Variants in ARHGEF28 observed in about 807,000 individuals in gnomAD.
ARHGEF28 encodes Rho guanine nucleotide exchange factor 28.
A neutral mutation model predicts 206.6 loss-of-function variants in ARHGEF28; 152 were observed. The observed-to-expected ratio is 0.74, with a 90% CI of 0.64 to 0.84. The LOEUF is 0.84. Ranked by LOEUF, ARHGEF28 falls within the 40% of genes least tolerant of loss-of-function variation. The pLI is 0.00. For synonymous variants in ARHGEF28, 763 were observed against 776.4 expected, an observed-to-expected ratio of 0.98 and a Z score of 0.29; for missense variants, 2,028 against 2,073.2, an observed-to-expected ratio of 0.98 and a Z score of 0.42.
intron 2 of ARHGEF28, among the ~76,000 whole-genome samples, chr5:73,693,541 G>A (rs764568853): frequency 2.6e-5 from 4 of 152,202 alleles, no homozygotes; most frequent in Non-Finnish European, 4.4e-5. Flanking sequence ...GTAGGTAAGG[G>A]TGTCTTTCAA....
At chr5:73,703,647 T>TGTG (rs1748732373) in intron 2 of ARHGEF28, among the ~76,000 whole-genome samples, 1 of 139,610 alleles carries the variant, frequency 7.2e-6, no homozygotes, top group Admixed American at 7.1e-5. Context: ...TTTCCCAGCA[T>TGTG]TGTGTGTGTG....
rs181548390 is a variant in ARHGEF28, at chr5:73,734,837, A to G, written c.34-15000A>G. On this transcript the variant is annotated intron_variant, in intron 2 of 35. Coordinates refer to ENST00000513042, the MANE Select transcript of ARHGEF28 (RefSeq NM_001177693.2). ...AGTTGTGTTTTTGCAGTGGAGAGGGAAGACTATTTTGAAGTAGAGAGGACT... is the reference window on the plus strand; with the variant it reads ...AGTTGTGTTTTTGCAGTGGAGAGGGGAGACTATTTTGAAGTAGAGAGGACT... Among the ~76,000 whole-genome samples, 6 of 152,090 alleles carry G rather than the reference A, an allele frequency of 3.9e-5. No homozygotes were observed. In the East Asian group the frequency reaches 1.2e-3, roughly 29 times the overall value.
At chr5:73,933,634 A>C (rs1433453694) in intron 35 of ARHGEF28, among the ~76,000 whole-genome samples, 1 of 152,226 alleles carries the variant, frequency 6.6e-6, no homozygotes, top group Non-Finnish European at 1.5e-5. Flanking sequence ...GAACTTTTCA[A>C]ACCTATTCAA....
At chr5:73,929,979 A>ATATAT (rs10666021) in intron 35 of ARHGEF28, among the ~76,000 whole-genome samples, 70,888 of 151,674 alleles carry the variant, frequency 0.47, 17,560 homozygotes, top group African/African-American at 0.64. Flanking sequence ...TTAAACTGCT[A>ATATAT]TATTTCACTT....
Position 73,775,277 on chromosome 5 carries a change from T to C in ARHGEF28, c.659+1239T>C, listed in dbSNP as rs531054504. ...TACGTGTTTTAAATGTTTCCAGGTC[T>C]AATAAATCCATTCATGGATGGGATT... is the stretch of plus-strand genomic sequence containing the variant. On this transcript the variant is annotated intron_variant, in intron 5 of 35. Transcript: ENST00000513042. 2.6e-5 allele frequency among the ~76,000 whole-genome samples: 4 copies of C among 152,350 alleles called. No homozygotes were observed. The East Asian group carries it at 7.7e-4, about 29-fold the overall frequency.
In ARHGEF28 at chr5:73,830,376, AC is replaced by A. The variant is rs542391951; in HGVS notation, c.1025-1958del. On this transcript the variant is annotated intron_variant, in intron 9 of 35. Coordinates refer to ENST00000513042, the MANE Select transcript of ARHGEF28 (RefSeq NM_001177693.2). Reference sequence around the variant, plus strand: ...AGACCATCCTGGCTAACACGGTGAAACCCCGTCTCTACTGAAAAATACAAAA... The same window carrying A: ...AGACCATCCTGGCTAACACGGTGAAACCCGTCTCTACTGAAAAATACAAAA... 2.5e-3 allele frequency among the ~76,000 whole-genome samples: 379 copies of A among 151,870 alleles called. 2 individuals carry two copies. Among genetic ancestry groups the A allele is most frequent in the Non-Finnish European group, 3.5e-3 (237 of 67,956 alleles).
rs571040251 is a variant in ARHGEF28, at chr5:73,666,366, G to A, written c.-11-18475G>A. 5.3e-5 allele frequency among the ~76,000 whole-genome samples: 8 copies of A among 152,316 alleles called. No homozygotes were observed. The East Asian group carries it at 1.5e-3, about 29-fold the overall frequency. On this transcript the variant is annotated intron_variant, in intron 1 of 35. Coordinates refer to ENST00000513042, the MANE Select transcript of ARHGEF28 (RefSeq NM_001177693.2). ...TTGGAGGCTTGTGCCTGCAGCTTGA[G>A]TTGCAAGCTGGTGGCCCTACAGTTC... is the stretch of plus-strand genomic sequence containing the variant.
intron 2 of ARHGEF28, among the ~76,000 whole-genome samples, chr5:73,685,859 G>A (rs1442922845): frequency 1.3e-5 from 2 of 152,130 alleles, no homozygotes; most frequent in Admixed American, 1.3e-4. Context: ...CTGACCTCGT[G>A]ATCCGAATGC....
chr5:73,813,638 C>G, intron 9 of ARHGEF28: 1 of 1,535,800 alleles, frequency 6.5e-7, no homozygotes, highest in South Asian at 1.2e-5. Flanking sequence ...CCTTCCTTTC[C>G]CAAAATGAAG....
intron 2 of ARHGEF28, among the ~76,000 whole-genome samples, chr5:73,748,347 T>G (rs922910858): frequency 2.6e-5 from 4 of 152,056 alleles, no homozygotes; most frequent in Admixed American, 1.3e-4. Flanking sequence ...AACCAGTGAT[T>G]TTTTTTCAGA....
At chr5:73,916,541 G>A (rs373473670) in intron 35 of ARHGEF28, among the ~76,000 whole-genome samples, 25 of 152,240 alleles carry the variant, frequency 1.6e-4, no homozygotes, top group African/African-American at 5.5e-4. Flanking sequence ...TTCTTCCTGC[G>A]TCTTCACCTG....
At chr5:73,841,223 AC>A (rs1229983177) in intron 11 of ARHGEF28, among the ~76,000 whole-genome samples, 2 of 152,238 alleles carry the variant, frequency 1.3e-5, no homozygotes, top group African/African-American at 4.8e-5. Context: ...ATATATAGTT[AC>A]ACAATAGAAT....
intron 10 of ARHGEF28, among the ~76,000 whole-genome samples, chr5:73,837,832 C>A (rs981206397): frequency 6.6e-6 from 1 of 151,864 alleles, no homozygotes; most frequent in Non-Finnish European, 1.5e-5. Context: ...ATCTCCACCC[C>A]CCAGGCTCAA....
At chr5:73,862,835 G>A (rs1281753848) in intron 16 of ARHGEF28, among the ~76,000 whole-genome samples, 1 of 146,920 alleles carries the variant, frequency 6.8e-6, no homozygotes, top group Non-Finnish European at 1.5e-5. Flanking sequence ...TGTTTAGCTT[G>A]TTTTACTGCT....
At chr5:73,644,600 A>G (rs1011018612) in intron 1 of ARHGEF28, among the ~76,000 whole-genome samples, 4 of 152,166 alleles carry the variant, frequency 2.6e-5, no homozygotes, top group Non-Finnish European at 5.9e-5. Context: ...CTCCTGCCAA[A>G]TAGATCTCCC....
chr5:73,704,741 T>A (rs1422757356), intron 2 of ARHGEF28, among the ~76,000 whole-genome samples: 1 of 152,170 alleles, frequency 6.6e-6, no homozygotes, highest in African/African-American at 2.4e-5. Context: ...ATTATTTTTT[T>A]AAATAAAGGC....
chr5:73,702,021 C>T (rs780498406), intron 2 of ARHGEF28, among the ~76,000 whole-genome samples: 3 of 152,134 alleles, frequency 2.0e-5, no homozygotes, highest in Non-Finnish European at 4.4e-5. Flanking sequence ...GATAAACGTC[C>T]AGGAGTATGA....
intron 9 of ARHGEF28, among the ~76,000 whole-genome samples, chr5:73,804,217 C>T (rs970244109): frequency 2.0e-5 from 3 of 151,694 alleles, no homozygotes; most frequent in Non-Finnish European, 4.4e-5. Flanking sequence ...GCCCATCTAA[C>T]AGATAGATTC....
intron 18 of ARHGEF28, among the ~76,000 whole-genome samples, chr5:73,866,529 T>C (rs1759719107): frequency 6.6e-6 from 1 of 152,234 alleles, no homozygotes; most frequent in African/African-American, 2.4e-5. Flanking sequence ...TCCATTATTA[T>C]AATTACCTGG....
Sources: allele counts gnomAD v4.1 joint callset (sites outside exome capture counted in the v4.1 genomes callset), GRCh38; gene constraint gnomAD v4.1.1; transcripts MANE v1.5; gene names NCBI Gene and HGNC (gene_info 2026-07-23, HGNC 2026-07-21).